The following AFF3 variants were observed in gnomAD, a reference collection of about 807,000 sequenced individuals.
AFF3 encodes the protein ALF transcription elongation factor 3.
AFF3 carries 32 observed loss-of-function variants against 129.7 expected under a neutral mutation model. That is an observed-to-expected ratio of 0.25 (90% CI 0.19 to 0.33). The LOEUF (loss-of-function observed/expected upper bound fraction) is 0.33. Among genes scored for constraint, AFF3 ranks in the 10% least tolerant of loss-of-function variants. The pLI is 1.00. For missense variants in AFF3, 1,373 were observed against 1,592.0 expected (o/e 0.86, Z 2.34); for synonymous variants, 644 against 635.4 (o/e 1.01, Z -0.20).
chr2:99,943,576 T>G (rs1675269115), intron 7 of AFF3, among the ~76,000 whole-genome samples: 1 of 152,236 alleles, frequency 6.6e-6, no homozygotes, highest in South Asian at 2.1e-4. Context: ...TCTTTTCCTC[T>G]GAAAACTATG....
rs1471530341 is a variant in AFF3, at chr2:99,588,343, A to G, written c.2467-1065T>C. Among the ~76,000 whole-genome samples the G allele has an allele frequency of 2.6e-5, 4 of 151,902 alleles. No individual in the cohort carries two copies. The East Asian group carries it at 7.8e-4, about 30-fold the overall frequency. ...AAGTGTGTGCCACCATGCCTGGCTAATTTTTTGTATTTTTTGTAGAGACGG... is the reference window on the plus strand; with the variant it reads ...AAGTGTGTGCCACCATGCCTGGCTAGTTTTTTGTATTTTTTGTAGAGACGG... On this transcript the variant is annotated intron_variant, in intron 15 of 24. Coordinates refer to ENST00000672756, the MANE Select transcript of AFF3 (RefSeq NM_001386135.1).
At chr2:99,644,102 A>C (rs1177607190) in intron 13 of AFF3, among the ~76,000 whole-genome samples, 1 of 152,352 alleles carries the variant, frequency 6.6e-6, no homozygotes, top group East Asian at 1.9e-4. Context: ...TTGTGAAATA[A>C]ATGAATAAAT....
At chr2:100,107,552 T>C (rs1422916543) in intron 2 of AFF3, 1 of 972,230 alleles carries the variant, frequency 1.0e-6, no homozygotes, top group Non-Finnish European at 1.2e-6. Flanking sequence ...ATAGTGCTTG[T>C]GACCTGAGGG....
chr2:99,672,546 T>C lies in AFF3; in HGVS notation c.1135A>G (p.Asn379Asp). 38 of 1,614,036 alleles carry C rather than the reference T, an allele frequency of 2.4e-5. No homozygotes were observed. Among genetic ancestry groups the C allele is most frequent in the Non-Finnish European group, 3.2e-5 (38 of 1,179,928 alleles). ...DLKLSSDEEE[N>D]EQQAAQRTAL... ...ATAAAAGAGAATCTTACCTGTTCAT[T>C]CTCCTCTTCATCACTGCTTAGCTTA... Residue 379 changes from asparagine to aspartate, a missense_variant, in exon 12 of 25, where the codon AAT (asparagine) becomes GAT (aspartate). By Grantham distance (23) the Asn-to-Asp change is conservative. This residue lies in a region of AFF3 where 413 missense variants were observed against 424.4 expected (regional missense o/e 0.97). Transcript: ENST00000672756.
intron 18 of AFF3, among the ~76,000 whole-genome samples, chr2:99,577,480 G>C (rs1400886608): frequency 1.3e-5 from 2 of 152,156 alleles, no homozygotes; most frequent in East Asian, 3.9e-4. Flanking sequence ...TGGGGTTAGT[G>C]GTTTGTAGTC....
At position 99,565,517 on chromosome 2, in the gene AFF3, G is replaced by C. The variant is rs530073150; in HGVS notation, c.3089C>G (p.Thr1030Arg). ...GAGCTCTACTGTTTCTGAATACATC[G>C]TATAAGGAGATTTGGATTCCATGGG... The part of the protein sequence containing the change: ...QGPMESKSPY[T>R]MYSETVELIR... The change falls in exon 20 of 25, where the codon ACG (threonine) becomes AGG (arginine). Residue 1030 changes from threonine to arginine, a missense_variant. By Grantham distance (71) the Thr-to-Arg change is moderately conservative. This residue lies in a region of AFF3 where 65 missense variants were observed against 102.1 expected (regional missense o/e 0.64). Transcript: ENST00000672756. 6.2e-7 allele frequency: 1 copy of C among 1,614,022 alleles called. No homozygotes were observed. The highest frequency in any genetic ancestry group is 8.5e-7 in the Non-Finnish European group (1 of 1,180,018).
chr2:99,644,896 CTTT>C (rs1382076771), intron 13 of AFF3, among the ~76,000 whole-genome samples: 1 of 152,178 alleles, frequency 6.6e-6, no homozygotes, highest in Admixed American at 6.5e-5. Flanking sequence ...TGTCCTTCTT[CTTT>C]GTCTCTACTA....
intron 13 of AFF3, among the ~76,000 whole-genome samples, chr2:99,609,346 CT>C (rs972583445): frequency 6.6e-6 from 1 of 152,052 alleles, no homozygotes; most frequent in Non-Finnish European, 1.5e-5. Flanking sequence ...GCAGTATGTA[CT>C]GAGCCCAATT....
intron 4 of AFF3, among the ~76,000 whole-genome samples, chr2:100,104,062 G>A (rs1690996797): frequency 6.6e-6 from 1 of 151,838 alleles, no homozygotes; most frequent in African/African-American, 2.4e-5. Flanking sequence ...GGAGCAGGGG[G>A]CCGACGGGTG....
intron 7 of AFF3, among the ~76,000 whole-genome samples, chr2:99,893,324 C>T (rs915802700): frequency 5.9e-5 from 9 of 152,180 alleles, no homozygotes; most frequent in South Asian, 2.1e-4. Flanking sequence ...GCATTTAATA[C>T]GTATGACTGA....
chr2:100,119,625 G>A (rs913086655), intron 2 of AFF3, among the ~76,000 whole-genome samples: 2 of 152,224 alleles, frequency 1.3e-5, no homozygotes, highest in African/African-American at 4.8e-5. Context: ...AAAGTGGCAG[G>A]CAATGTGCAC....
chr2:99,939,647 T>C (rs955091154), intron 7 of AFF3, among the ~76,000 whole-genome samples: 1 of 152,206 alleles, frequency 6.6e-6, no homozygotes, highest in Non-Finnish European at 1.5e-5. Context: ...TATACTGAAA[T>C]AGAAACTACT....
At chr2:99,887,596 G>A (rs1230192064) in intron 7 of AFF3, among the ~76,000 whole-genome samples, 3 of 152,184 alleles carry the variant, frequency 2.0e-5, no homozygotes, top group African/African-American at 4.8e-5. Flanking sequence ...GGAAATATAA[G>A]CTCTTCAATG....
At chr2:100,060,215 T>C (rs959175021) in intron 4 of AFF3, among the ~76,000 whole-genome samples, 1 of 152,010 alleles carries the variant, frequency 6.6e-6, no homozygotes, top group African/African-American at 2.4e-5. Flanking sequence ...GTTGGAAAAA[T>C]ACAGTGAAAG....
intron 8 of AFF3, among the ~76,000 whole-genome samples, chr2:99,759,190 C>T (rs1682376647): frequency 6.6e-6 from 1 of 151,976 alleles, no homozygotes; most frequent in African/African-American, 2.4e-5. Context: ...TTTTCTCTTA[C>T]ATTCTGTTTT....
At chr2:99,783,714 C>A (rs1428976754) in intron 8 of AFF3, among the ~76,000 whole-genome samples, 1 of 152,232 alleles carries the variant, frequency 6.6e-6, no homozygotes, top group Non-Finnish European at 1.5e-5. Context: ...TGGAAGCTGT[C>A]ATTTGCAGAA....
chr2:99,585,195 G>A (rs1362542311), intron 16 of AFF3, among the ~76,000 whole-genome samples: 1 of 152,120 alleles, frequency 6.6e-6, no homozygotes, highest in Non-Finnish European at 1.5e-5. Context: ...TCTATTATTT[G>A]ACATACTTTA....
At position 99,926,236 on chromosome 2, in the gene AFF3, G is replaced by A. The variant is rs567355259; in HGVS notation, c.873+80396C>T. 1.9e-4 allele frequency among the ~76,000 whole-genome samples: 29 copies of A among 152,340 alleles called. 1 individual carries two copies. Among genetic ancestry groups the A allele is most frequent in the African/African-American group, 6.7e-4 (28 of 41,576 alleles). On this transcript the variant is annotated intron_variant, in intron 7 of 24. Transcript: ENST00000672756. ...CGAGAGAGCTAGTGAGACTGCAAGT[G>A]CAAAGTGCACATACAGGGGTGCAAC...
chr2:99,665,144 C>T (rs953841558), intron 12 of AFF3, among the ~76,000 whole-genome samples: 4 of 152,200 alleles, frequency 2.6e-5, no homozygotes, highest in Non-Finnish European at 5.9e-5. Flanking sequence ...CCAGATGGTG[C>T]AGGGTAGTGT....
Sources: allele counts gnomAD v4.1 joint callset (sites outside exome capture counted in the v4.1 genomes callset), GRCh38; gene constraint gnomAD v4.1.1; regional missense constraint gnomAD v4.1.1; transcripts MANE v1.5; gene names NCBI Gene and HGNC (gene_info 2026-07-23, HGNC 2026-07-21).